The following SCN3B variants were observed in gnomAD, a reference collection of about 807,000 sequenced individuals.
SCN3B encodes the protein sodium voltage-gated channel beta subunit 3, also known as sodium channel regulatory subunit beta-3.
Under a neutral mutation model 25.4 loss-of-function variants are expected in SCN3B, and 11 were observed. That is an observed-to-expected ratio of 0.43 (90% CI 0.27 to 0.72). The LOEUF is 0.72. Among genes scored for constraint, SCN3B ranks in the 30% least tolerant of loss-of-function variants. The pLI is 0.18. For synonymous variants in SCN3B, 109 were observed against 110.7 expected (o/e 0.99, Z 0.09); for missense variants, 218 against 278.3 (o/e 0.78, Z 1.54).
At chr11:123,644,538 G>A (rs1228169537) in intron 3 of SCN3B, among the ~76,000 whole-genome samples, 5 of 152,082 alleles carry the variant, frequency 3.3e-5, no homozygotes, top group Admixed American at 6.5e-5. Context: ...TTGGGAGGCC[G>A]AGGTGGGTGG....
At position 123,642,371 on chromosome 11, in the gene SCN3B, G is replaced by A. The variant is rs968775075; in HGVS notation, c.445+75C>T. 9.1e-5 allele frequency: 130 copies of A among 1,434,058 alleles called. No homozygotes were observed. The highest frequency in any genetic ancestry group is 1.0e-4 in the Non-Finnish European group (106 of 1,017,902). The allele number at this position is 1,434,058 out of a possible 1,614,324, so 88.8% of individuals were successfully genotyped here. ...TTTGCACTCTTTAAGGGCCTCACTC[G>A]TGGAAAACTGCTGTCCTACCCTTCC... On this transcript the variant is annotated intron_variant, in intron 4 of 6. Coordinates refer to ENST00000299333, the MANE Select transcript of SCN3B (RefSeq NM_001040151.2). This position sits in a 1 kb window ranked among gnomAD's most constrained non-coding sequence, Gnocchi z 4.3.
At chr11:123,645,546 AG>A (rs759356156) in intron 3 of SCN3B, 40 bp downstream of exon 3, 1 of 1,608,126 alleles carries the variant, frequency 6.2e-7, no homozygotes, top group South Asian at 1.1e-5. Context: ...GGAACAGCAG[AG>A]GCCAGCAGAA....
intron 2 of SCN3B, among the ~76,000 whole-genome samples, chr11:123,649,637 CTT>C (rs35009568): frequency 1.3e-5 from 2 of 148,936 alleles, no homozygotes; most frequent in African/African-American, 5.0e-5. Context: ...TTCTTTCTTT[CTT>C]TTTTTTCTTT....
rs1955969262 is a variant in SCN3B at position 123,654,469 on chromosome 11, G to C, written c.-269C>G. 6.4e-6 allele frequency: 1 copy of C among 156,494 alleles called. No homozygotes were observed. Among genetic ancestry groups the C allele is most frequent in the South Asian group, 2.0e-4 (1 of 5,048 alleles). The allele number at this position is 156,494 out of a possible 1,614,324, so 9.7% of individuals were successfully genotyped here. The stretch of plus-strand genomic sequence containing the variant: ...AGCTCCCGTTCGGCCGGCGATGTCA[G>C]AGGTTGGGGGGTGGGTGTAGAGGCG... On this transcript the variant is annotated 5_prime_UTR_variant, in exon 1 of 7. Transcript: ENST00000299333.
intron 5 of SCN3B, among the ~76,000 whole-genome samples, chr11:123,635,663 G>A (rs371891820): frequency 6.6e-6 from 1 of 151,484 alleles, no homozygotes; most frequent in African/African-American, 2.4e-5. Context: ...TCCAGCCTGG[G>A]CAACAGAGCG....
At chr11:123,638,486 T>G in intron 4 of SCN3B, 162 bp from the exon 5 acceptor site, 1 of 913,006 alleles carries the variant, frequency 1.1e-6, no homozygotes, top group South Asian at 1.5e-5. Flanking sequence ...ATTGGCTTTC[T>G]CACTGACTGT....
intron 5 of SCN3B, among the ~76,000 whole-genome samples, chr11:123,635,298 A>G (rs1955711658): frequency 6.6e-6 from 1 of 152,150 alleles, no homozygotes; most frequent in Non-Finnish European, 1.5e-5. Context: ...GTTTTCCTAC[A>G]TGCATTAACC....
At chr11:123,638,688 C>G in intron 4 of SCN3B, 1 of 349,318 alleles carries the variant, frequency 2.9e-6, no homozygotes, top group Middle Eastern at 1.0e-3. Flanking sequence ...GATAATAACA[C>G]CAGTCAGGGG....
intron 5 of SCN3B, among the ~76,000 whole-genome samples, 171 bp from the exon 6 acceptor site, chr11:123,634,377 C>T (rs1955704363): frequency 6.6e-6 from 1 of 152,206 alleles, no homozygotes; most frequent in Non-Finnish European, 1.5e-5. Flanking sequence ...ATAATCATTT[C>T]CCCCATATAT....
At chr11:123,643,057 T>G (rs1264584718) in intron 3 of SCN3B, among the ~76,000 whole-genome samples, 1 of 151,964 alleles carries the variant, frequency 6.6e-6, no homozygotes, top group African/African-American at 2.4e-5. Flanking sequence ...TGTAAAAAGA[T>G]AGAGAGAACA....
intron 2 of SCN3B, among the ~76,000 whole-genome samples, chr11:123,652,571 T>A (rs965452332): frequency 6.6e-6 from 1 of 152,160 alleles, no homozygotes; most frequent in African/African-American, 2.4e-5. Context: ...ATGCCAACCA[T>A]GGGAACATAA....
rs1264206305 is a variant in SCN3B, at chr11:123,630,463, A to G, written c.*3336T>C. 1 of 152,674 alleles carries G rather than the reference A, an allele frequency of 6.5e-6. No individual in the cohort carries two copies. The highest frequency in any genetic ancestry group is 2.4e-5 in the African/African-American group (1 of 41,468). The allele number at this position is 152,674 out of a possible 1,614,324, so 9.5% of individuals were successfully genotyped here. The stretch of plus-strand genomic sequence containing the variant: ...CAACAGATGGGGTTTCTAAAGTGAT[A>G]TTAATAGCCCTTGAGAACTCTTCTA... On this transcript the variant is annotated 3_prime_UTR_variant, in exon 7 of 7. Coordinates refer to ENST00000299333, the MANE Select transcript of SCN3B (RefSeq NM_001040151.2).
At chr11:123,636,043 T>C (rs1229036075) in intron 5 of SCN3B, among the ~76,000 whole-genome samples, 4 of 152,242 alleles carry the variant, frequency 2.6e-5, no homozygotes, top group Admixed American at 6.5e-5. Flanking sequence ...GAAAATTGTT[T>C]ACAATTGTGA....
At chr11:123,646,042 C>T (rs527460172) in intron 2 of SCN3B, among the ~76,000 whole-genome samples, 26 of 152,130 alleles carry the variant, frequency 1.7e-4, no homozygotes, top group Non-Finnish European at 3.7e-4. Flanking sequence ...GAGCCCTGCT[C>T]TCTAAGTCTT....
chr11:123,651,400 G>A (rs1391223182), intron 2 of SCN3B, among the ~76,000 whole-genome samples: 1 of 151,748 alleles, frequency 6.6e-6, no homozygotes, highest in Non-Finnish European at 1.5e-5. Flanking sequence ...GTCTCGCCCT[G>A]TTGCCCACGC....
At chr11:123,634,247 C>T (rs776143370) in intron 5 of SCN3B, 41 bp from the exon 6 acceptor site, 1 of 1,563,788 alleles carries the variant, frequency 6.4e-7, no homozygotes, top group Non-Finnish European at 8.8e-7. Flanking sequence ...GCTTCAGTGC[C>T]CAGCGTGGGA....
intron 2 of SCN3B, among the ~76,000 whole-genome samples, chr11:123,649,607 CTTTT>C (rs1565498222): frequency 6.6e-6 from 1 of 151,838 alleles, no homozygotes; most frequent in Admixed American, 6.6e-5. Context: ...TTTCTCCTTT[CTTTT>C]TCTTTTCTTT....
chr11:123,652,156 A>G (rs541035162), intron 2 of SCN3B, among the ~76,000 whole-genome samples: 4 of 152,200 alleles, frequency 2.6e-5, no homozygotes, highest in Non-Finnish European at 5.9e-5. Context: ...ACCCTTATCC[A>G]CAACTTCAGC....
At position 123,651,052 on chromosome 11, in the gene SCN3B, G is replaced by A. The variant is rs180864547; in HGVS notation, c.55+2695C>T. Among the ~76,000 whole-genome samples, 168 of 151,778 alleles carry A rather than the reference G, an allele frequency of 1.1e-3. No homozygotes were observed. The East Asian group carries it at 0.016, about 15-fold the overall frequency. On this transcript the variant is annotated intron_variant, in intron 2 of 6. Coordinates refer to ENST00000299333, the MANE Select transcript of SCN3B (RefSeq NM_001040151.2). ...AGCCTGGGCAATATGGCGAGACATC[G>A]TCTGTATTAATTTTTTTAATACAAT...
Sources: allele counts gnomAD v4.1 joint callset (sites outside exome capture counted in the v4.1 genomes callset), GRCh38; gene constraint gnomAD v4.1.1; non-coding constraint Gnocchi (gnomAD v3.1); transcripts MANE v1.5; gene names NCBI Gene and HGNC (gene_info 2026-07-23, HGNC 2026-07-21).